Variants in MACF1 observed in about 807,000 individuals in gnomAD.
The protein encoded by MACF1 is microtubule-actin cross-linking factor 1.
MACF1 carries 193 observed loss-of-function variants against 854.8 expected under a neutral mutation model. That is an observed-to-expected ratio of 0.23 (90% CI 0.20 to 0.25). The LOEUF (loss-of-function observed/expected upper bound fraction) is 0.25. Among genes scored for constraint, MACF1 ranks in the 10% least tolerant of loss-of-function variants. The probability of loss-of-function intolerance (pLI) is 1.00; values close to 1 mark genes in which losing one functional copy is unlikely to be tolerated. For synonymous variants in MACF1, 3,185 were observed against 3,226.7 expected, an observed-to-expected ratio of 0.99 and a Z score of 0.44; for missense variants, 7,722 against 8,929.1, an observed-to-expected ratio of 0.86 and a Z score of 5.45.
Position 39,333,889 on chromosome 1 carries a change from C to T in MACF1, c.7301C>T (p.Ala2434Val), listed in dbSNP as rs372101464. The change falls in exon 37 of 101, where the codon GCT (alanine) becomes GTT (valine). Residue 2434 changes from alanine (A) to valine (V), a missense_variant. Physicochemically the swap from Ala to Val is moderately conservative, Grantham distance 64. This residue lies in a region of MACF1 where 1,531 missense variants were observed against 1,601.6 expected (regional missense o/e 0.96). Coordinates refer to ENST00000564288, the MANE Select transcript of MACF1 (RefSeq NM_001394062.1). ...TCAACTCTTGGCTTGGTGGACGTTGCTGACCAGCCAGAACTTATAAATCTG... is the reference window on the plus strand; with the variant it reads ...TCAACTCTTGGCTTGGTGGACGTTGTTGACCAGCCAGAACTTATAAATCTG... Reference protein sequence around the residue: ...LASTLGLVDVADQPELINLEK... With the variant: ...LASTLGLVDVVDQPELINLEK... 1 of 1,614,166 alleles carries T rather than the reference C, an allele frequency of 6.2e-7. No individual in the cohort carries two copies.
chr1:39,351,094 G>T, intron 43 of MACF1, 76 bp downstream of exon 43: 1 of 1,038,378 alleles, frequency 9.6e-7, no homozygotes, highest in South Asian at 1.6e-5. Context: ...AGACAGTGAG[G>T]GGAAAACAGG....
intron 36 of MACF1, among the ~76,000 whole-genome samples, chr1:39,328,908 C>T (rs1557590168): frequency 6.6e-6 from 1 of 152,110 alleles, no homozygotes; most frequent in African/African-American, 2.4e-5. Flanking sequence ...ACACTGCAGG[C>T]CTTTCTTCAA....
intron 17 of MACF1, 53 bp from the exon 18 acceptor site, chr1:39,293,405 T>A (rs1203843650): frequency 6.7e-7 from 1 of 1,492,026 alleles, no homozygotes; most frequent in Admixed American, 1.9e-5. Context: ...ATGTGCTATC[T>A]TCTACAGATA....
upstream of MACF1, among the ~76,000 whole-genome samples, chr1:39,204,006 G>T (rs1055498599): frequency 2.6e-5 from 4 of 152,176 alleles, no homozygotes; most frequent in African/African-American, 9.7e-5. Flanking sequence ...GGGCACAGTG[G>T]CACATGCCTG....
intron 1 of MACF1, among the ~76,000 whole-genome samples, chr1:39,221,079 G>C (rs1236411402): frequency 2.3e-4 from 35 of 152,204 alleles, no homozygotes; most frequent in Non-Finnish European, 5.9e-5. Context: ...GAGTAGGACA[G>C]ATGCGAAAGG....
intron 2 of MACF1, among the ~76,000 whole-genome samples, chr1:39,169,834 C>T (rs1466291856): frequency 2.1e-5 from 3 of 144,634 alleles, no homozygotes; most frequent in African/African-American, 2.6e-5. Context: ...AGTGCAGTGA[C>T]GTGATCTCGG....
In MACF1 at chr1:39,453,704, T is replaced by C; in HGVS notation, c.20743-3T>C. The C allele has an allele frequency of 6.2e-7, 1 of 1,613,904 alleles. No individual in the cohort carries two copies. Among genetic ancestry groups the C allele is most frequent in the African/African-American group, 1.3e-5 (1 of 75,052 alleles). On this transcript the variant is annotated splice_polypyrimidine_tract_variant and splice_region_variant and intron_variant, in intron 87 of 100. Transcript: ENST00000564288. The stretch of plus-strand genomic sequence containing the variant: ...TTTTTGTTTTCAAATCTTTTTTGTT[T>C]AGGAATTCATGAAGAAAGTAGAAGA...
In MACF1 at chr1:39,331,726, T is replaced by C. The variant is rs1646729264; in HGVS notation, c.5138T>C (p.Leu1713Pro). The C allele has an allele frequency of 3.1e-6, 5 of 1,614,114 alleles. No individual in the cohort carries two copies. Among genetic ancestry groups the C allele is most frequent in the Non-Finnish European group, 4.2e-6 (5 of 1,180,050 alleles). ...GCTGAGAAAATTGGTTTGCTGGATC[T>C]GATGCAGCGATGTATTGTCCACCAG... Reference protein sequence around the residue: ...NTAEKIGLLDLMQRCIVHQES... With the variant: ...NTAEKIGLLDPMQRCIVHQES... The change falls in exon 37 of 101, where the codon CTG becomes CCG. Residue 1713 changes from leucine (L) to proline (P), a missense_variant. By Grantham distance (98) the Leu-to-Pro change is moderately conservative (BLOSUM62 -3). This residue lies in a region of MACF1 where 1,531 missense variants were observed against 1,601.6 expected (regional missense o/e 0.96). Coordinates refer to ENST00000564288, the MANE Select transcript of MACF1 (RefSeq NM_001394062.1).
intron 97 of MACF1, among the ~76,000 whole-genome samples, chr1:39,474,245 C>G (rs1438317167): frequency 1.3e-5 from 2 of 151,774 alleles, no homozygotes; most frequent in Non-Finnish European, 2.9e-5. Flanking sequence ...AAAAATTAGC[C>G]GGGCATGGTG....
chr1:39,381,378 T>TTGTG (rs1553330389), intron 55 of MACF1, among the ~76,000 whole-genome samples: 2 of 102,050 alleles, frequency 2.0e-5, no homozygotes, highest in Admixed American at 1.1e-4. Flanking sequence ...TTTTTTTTTT[T>TTGTG]GGGGGGGGGG....
Position 39,318,579 on chromosome 1 carries a change from T to C in MACF1, c.3909T>C (p.Asp1303=), listed in dbSNP as rs775446206. The C allele has an allele frequency of 1.4e-5, 22 of 1,613,596 alleles. No individual in the cohort carries two copies. The highest frequency in any genetic ancestry group is 5.0e-5 in the Admixed American group (3 of 59,964). Residue 1303 remains aspartate, a synonymous_variant, in exon 30 of 101, where the codon GAT becomes GAC. Transcript: ENST00000564288. Reference sequence around the variant, plus strand: ...TGATGAAGCCAGGCCAGGCAGAGGATAGCAGAGTGCTTTCGGAGCAGCTCA... The same window carrying C: ...TGATGAAGCCAGGCCAGGCAGAGGACAGCAGAGTGCTTTCGGAGCAGCTCA... ...QEMMKPGQAE[D]SRVLSEQLSQ...
intron 2 of MACF1, among the ~76,000 whole-genome samples, chr1:39,137,136 C>A (rs1471659593): frequency 4.6e-5 from 7 of 152,158 alleles, no homozygotes; most frequent in Admixed American, 3.9e-4. Context: ...GTGGTGCGAT[C>A]TTGGCTCACT....
rs1340042098 is a variant in MACF1, at chr1:39,334,415, A to G, written c.7827A>G (p.Val2609=). ...KKEGLLTNEA[V]LSPGMMHGIV... is the part of the protein sequence containing the mutation. ...AAGGACTGTTAACTAATGAAGCAGT[A>G]TTGTCTCCAGGAATGATGCATGGCA... is the stretch of plus-strand genomic sequence containing the variant. The change falls in exon 37 of 101, where the codon GTA becomes GTG. Residue 2609 remains valine (V), a synonymous_variant. Coordinates refer to ENST00000564288, the MANE Select transcript of MACF1 (RefSeq NM_001394062.1). 1 of 1,614,094 alleles carries G rather than the reference A, an allele frequency of 6.2e-7. No individual in the cohort carries two copies. The highest frequency in any genetic ancestry group is 1.1e-5 in the South Asian group (1 of 91,074).
chr1:39,442,940 A>G, intron 78 of MACF1, 29 bp downstream of exon 78: 1 of 1,594,238 alleles, frequency 6.3e-7, no homozygotes, highest in Non-Finnish European at 8.6e-7. Flanking sequence ...TAAGGTAGGA[A>G]GAGCTATACA....
At chr1:39,305,947 T>A (rs1488056939) in intron 23 of MACF1, among the ~76,000 whole-genome samples, 2 of 152,200 alleles carry the variant, frequency 1.3e-5, no homozygotes, top group African/African-American at 4.8e-5. Context: ...TTTATTTTTC[T>A]TCAGAACTCT....
rs150937978 is a variant in MACF1 at position 39,362,269 on chromosome 1, T to C, written c.12771+592T>C. ...CTGTACCAGCACACATTCCCACCTG[T>C]AGTACTTCAGCATTCCTGTATCTCT... On this transcript the variant is annotated intron_variant, in intron 49 of 100. Coordinates refer to ENST00000564288, the MANE Select transcript of MACF1 (RefSeq NM_001394062.1). 5.6e-4 allele frequency among the ~76,000 whole-genome samples: 86 copies of C among 152,364 alleles called. 1 individual carries two copies. The East Asian group carries it at 0.015, about 26-fold the overall frequency.
rs767303763 is a variant in MACF1, at chr1:39,368,250, C to G, written c.12874C>G (p.His4292Asp). The change falls in exon 50 of 101, where the codon CAT (histidine) becomes GAT (aspartate). Residue 4292 changes from histidine (H) to aspartate (D), a missense_variant. Transcript: ENST00000564288. Reference sequence around the variant, plus strand: ...TGGCTTTGCGCTGGACTTGTGCCAGCATCAGGACAGGGTACAGAATCTAAG... The same window carrying G: ...TGGCTTTGCGCTGGACTTGTGCCAGGATCAGGACAGGGTACAGAATCTAAG... ...SCGFALDLCQ[H>D]QDRVQNLRKD... 6.2e-7 allele frequency: 1 copy of G among 1,614,104 alleles called. No homozygotes were observed. The highest frequency in any genetic ancestry group is 8.5e-7 in the Non-Finnish European group (1 of 1,180,014).
chr1:39,423,103 T>A (rs543367898), intron 60 of MACF1, among the ~76,000 whole-genome samples: 3 of 152,346 alleles, frequency 2.0e-5, no homozygotes, highest in African/African-American at 7.2e-5. Context: ...CTGAATAATT[T>A]TACCTGTTCA....
intron 90 of MACF1, 158 bp downstream of exon 90, chr1:39,458,648 G>C: frequency 1.1e-6 from 1 of 872,218 alleles, no homozygotes; most frequent in East Asian, 2.7e-5. Flanking sequence ...TTCTTACATT[G>C]ACAGACAGTA....
Sources: allele counts gnomAD v4.1 joint callset (sites outside exome capture counted in the v4.1 genomes callset), GRCh38; gene constraint gnomAD v4.1.1; regional missense constraint gnomAD v4.1.1; transcripts MANE v1.5; gene names NCBI Gene and HGNC (gene_info 2026-07-23, HGNC 2026-07-21).